The following LAMC3 variants were observed in gnomAD, a reference collection of about 807,000 sequenced individuals.
LAMC3 encodes the protein laminin subunit gamma 3, also known as laminin subunit gamma-3.
A neutral mutation model predicts 173.8 loss-of-function variants in LAMC3; 128 were observed. The observed-to-expected ratio is 0.74, with a 90% CI of 0.64 to 0.85. The LOEUF (loss-of-function observed/expected upper bound fraction) is 0.85, where lower values mean the gene tolerates loss of function less well. Ranked by LOEUF, LAMC3 falls within the 40% of genes least tolerant of loss-of-function variation. LAMC3 has a pLI of 0.00. For missense variants in LAMC3, 2,022 were observed against 2,156.0 expected (o/e 0.94, Z 1.23); for synonymous variants, 897 against 909.1 (o/e 0.99, Z 0.24).
intron 27 of LAMC3, 31 bp downstream of exon 27, chr9:131,087,848 C>T (rs1182480366): frequency 1.9e-6 from 3 of 1,556,692 alleles, no homozygotes; most frequent in South Asian, 1.1e-5. Flanking sequence ...GGCCCTGAAC[C>T]CCTGGGTCCC....
chr9:131,032,902 A>C (rs986855062), intron 3 of LAMC3, among the ~76,000 whole-genome samples: 3 of 152,250 alleles, frequency 2.0e-5, no homozygotes, highest in African/African-American at 7.2e-5. Context: ...TCCCAGCCTC[A>C]GGTGATCTGC....
At chr9:131,049,770 G>A (rs1016382903) in intron 9 of LAMC3, among the ~76,000 whole-genome samples, 1 of 152,180 alleles carries the variant, frequency 6.6e-6, no homozygotes, top group Non-Finnish European at 1.5e-5. Context: ...CACCCGCCAG[G>A]CCACTGCACC....
intron 7 of LAMC3, among the ~76,000 whole-genome samples, chr9:131,043,274 C>A (rs907174410): frequency 6.6e-6 from 1 of 152,212 alleles, no homozygotes; most frequent in Non-Finnish European, 1.5e-5. Context: ...TCCAGCAGTG[C>A]GGCCAGCAGA....
intron 18 of LAMC3, 131 bp downstream of exon 18, chr9:131,071,756 C>A: frequency 3.5e-6 from 3 of 859,424 alleles, no homozygotes; most frequent in Non-Finnish European, 5.1e-6. Flanking sequence ...ACTTCCCTAG[C>A]CCACCTGTAA....
intron 13 of LAMC3, among the ~76,000 whole-genome samples, chr9:131,064,934 G>T (rs1299704389): frequency 4.0e-5 from 6 of 151,372 alleles, no homozygotes; most frequent in Non-Finnish European, 5.9e-5. Context: ...CCAGATACTC[G>T]CGAGGCTGAA....
intron 2 of LAMC3, among the ~76,000 whole-genome samples, chr9:131,027,268 G>A (rs370771872): frequency 1.3e-5 from 2 of 152,338 alleles, no homozygotes; most frequent in African/African-American, 4.8e-5. Flanking sequence ...CAAATGAGGC[G>A]TGGAAGGGCC....
intron 6 of LAMC3, 146 bp downstream of exon 6, chr9:131,039,394 A>G: frequency 1.4e-6 from 1 of 729,488 alleles, no homozygotes; most frequent in Non-Finnish European, 2.4e-6. Context: ...AGAGACACTC[A>G]GCTCCTGGAG....
rs1303580690 is a variant in LAMC3 at position 131,052,969 on chromosome 9, A to G, written c.1939+4A>G. 22 of 1,603,928 alleles carry G rather than the reference A, an allele frequency of 1.4e-5. No homozygotes were observed. The highest frequency in any genetic ancestry group is 1.7e-5 in the Admixed American group (1 of 59,948). ...AGTCCCGGCCCCAGCCCTGCCGGTC[A>G]GTAAAGACAACCACATGCCCAAGAC... On this transcript the variant is annotated splice_donor_region_variant and intron_variant, in intron 11 of 27. Transcript: ENST00000361069.
chr9:131,009,771 C>G lies in LAMC3; in HGVS notation c.373+184C>G, dbSNP rs575370891. Among the ~76,000 whole-genome samples the G allele has an allele frequency of 1.0e-3, 159 of 152,244 alleles. No individual in the cohort carries two copies. The highest frequency in any genetic ancestry group is 1.4e-3 in the Non-Finnish European group (96 of 68,024). ...GTGGCTCACTCCTGAAATCCCAGCA[C>G]TTTGGGAGGCCGAGATGGGAGGGTC... is the stretch of plus-strand genomic sequence containing the variant. On this transcript the variant is annotated intron_variant, in intron 1 of 27. Coordinates refer to ENST00000361069, the MANE Select transcript of LAMC3 (RefSeq NM_006059.4). This position sits in a 1 kb window ranked among gnomAD's most constrained non-coding sequence, Gnocchi z 4.3.
chr9:131,053,321 C>T (rs79275988), intron 11 of LAMC3, among the ~76,000 whole-genome samples: 145 of 152,276 alleles, frequency 9.5e-4, no homozygotes, highest in African/African-American at 2.8e-3. Context: ...AGCCCACAGC[C>T]GGCAGTCCAG....
intron 18 of LAMC3, among the ~76,000 whole-genome samples, chr9:131,072,140 C>CAGGG (rs111545763): frequency 5.7e-5 from 8 of 140,886 alleles, no homozygotes; most frequent in African/African-American, 1.6e-4. Context: ...TGAATGGAAG[C>CAGGG]AGGGAGGGAG....
Position 131,036,134 on chromosome 9 carries a change from G to A in LAMC3, c.810-32G>A, listed in dbSNP as rs1431567736. The A allele has an allele frequency of 8.7e-6, 14 of 1,612,066 alleles. No homozygotes were observed. In the South Asian group the frequency reaches 8.8e-5, roughly 10 times the overall value. On this transcript the variant is annotated intron_variant, in intron 3 of 27. Transcript: ENST00000361069. Reference sequence around the variant, plus strand: ...CCTTGTCTGCCCTGCCGGCACCTGCGGGTCCCCTTCCTCCTCTGTGTCTTT... The same window carrying A: ...CCTTGTCTGCCCTGCCGGCACCTGCAGGTCCCCTTCCTCCTCTGTGTCTTT...
chr9:131,060,580 G>T (rs1390551815), intron 12 of LAMC3, among the ~76,000 whole-genome samples: 1 of 152,054 alleles, frequency 6.6e-6, no homozygotes, highest in African/African-American at 2.4e-5. Context: ...GGAAGTGGAG[G>T]TTGCAGTGAG....
chr9:131,027,605 T>C (rs1215202437), intron 2 of LAMC3, among the ~76,000 whole-genome samples: 1 of 151,402 alleles, frequency 6.6e-6, no homozygotes, highest in African/African-American at 2.4e-5. Flanking sequence ...TTATTATTAA[T>C]ATTTTATTAT....
At chr9:131,041,026 A>T (rs537740369) in intron 6 of LAMC3, among the ~76,000 whole-genome samples, 1 of 152,098 alleles carries the variant, frequency 6.6e-6, no homozygotes, top group Non-Finnish European at 1.5e-5. Context: ...CTGGACAGAA[A>T]GAAGGAAGGA....
chr9:131,050,287 G>A (rs996175667), intron 9 of LAMC3, among the ~76,000 whole-genome samples: 1 of 152,250 alleles, frequency 6.6e-6, no homozygotes, highest in South Asian at 2.1e-4. Flanking sequence ...AGCTGGAGGT[G>A]AGGGCATGGC....
intron 3 of LAMC3, among the ~76,000 whole-genome samples, chr9:131,032,557 G>GCTGT (rs573441455): frequency 1.6e-4 from 21 of 132,212 alleles, no homozygotes; most frequent in East Asian, 1.1e-3. Context: ...GCTCTCTCTC[G>GCTGT]CTCTCTCTCT....
chr9:131,045,593 C>T lies in LAMC3; in HGVS notation c.1452C>T (p.Gly484=). The change falls in exon 8 of 28, where the codon GGC becomes GGT. Residue 484 remains glycine, a synonymous_variant. Coordinates refer to ENST00000361069, the MANE Select transcript of LAMC3 (RefSeq NM_006059.4). ...GCTGCAGCAGCTGTTTCTGCTATGGCCACTCCAAGGTGTGCGCGTCCACTG... is the reference window on the plus strand; with the variant it reads ...GCTGCAGCAGCTGTTTCTGCTATGGTCACTCCAAGGTGTGCGCGTCCACTG... ...PAGCSSCFCY[G]HSKVCASTAQ... 1 of 1,614,116 alleles carries T rather than the reference C, an allele frequency of 6.2e-7. No individual in the cohort carries two copies. The highest frequency in any genetic ancestry group is 8.5e-7 in the Non-Finnish European group (1 of 1,180,012).
At chr9:131,054,903 T>G (rs1834373217) in intron 11 of LAMC3, among the ~76,000 whole-genome samples, 1 of 152,208 alleles carries the variant, frequency 6.6e-6, no homozygotes, top group East Asian at 1.9e-4. Flanking sequence ...TGGGACTTGC[T>G]TTTTGTCAGC....
Sources: gnomAD v4.1 joint callset for allele counts (sites outside exome capture counted in the v4.1 genomes callset) on GRCh38, gnomAD v4.1.1 for gene constraint, Gnocchi (gnomAD v3.1) non-coding constraint, MANE v1.5 for transcripts, NCBI Gene and HGNC (gene_info 2026-07-23, HGNC 2026-07-21) for gene names.